Variants in GRM7 observed in about 807,000 individuals in gnomAD.
The protein encoded by GRM7 is glutamate metabotropic receptor 7, also known as metabotropic glutamate receptor 7.
GRM7 carries 35 observed loss-of-function variants against 84.5 expected under a neutral mutation model. The observed-to-expected ratio is 0.41, with a 90% confidence interval of 0.32 to 0.55. The LOEUF (loss-of-function observed/expected upper bound fraction) is 0.55, where lower values mean the gene tolerates loss of function less well. GRM7 is among the 20% of genes least tolerant of loss of function. The probability of loss-of-function intolerance (pLI) is 0.19; values close to 1 mark genes in which losing one functional copy is unlikely to be tolerated. For missense variants in GRM7, 1,003 were observed against 1,194.6 expected (o/e 0.84, Z 2.36); for synonymous variants, 487 against 455.1 (o/e 1.07, Z -0.89).
intron 2 of GRM7, among the ~76,000 whole-genome samples, chr3:7,297,820 C>A (rs566352647): frequency 6.6e-6 from 1 of 152,156 alleles, no homozygotes; most frequent in Non-Finnish European, 1.5e-5. Context: ...TTTCCTCTAC[C>A]CTTTTCATCG....
intron 5 of GRM7, among the ~76,000 whole-genome samples, chr3:7,429,884 T>C (rs1453930943): frequency 6.6e-6 from 1 of 152,218 alleles, no homozygotes; most frequent in Non-Finnish European, 1.5e-5. Flanking sequence ...TTTAAACATC[T>C]TATAAGCTGT....
chr3:7,055,213 C>CT (rs1286931367), intron 1 of GRM7, among the ~76,000 whole-genome samples: 3 of 149,914 alleles, frequency 2.0e-5, no homozygotes, highest in Non-Finnish European at 4.4e-5. Context: ...TCTTCTTCTT[C>CT]TCTTTTTATT....
intron 5 of GRM7, among the ~76,000 whole-genome samples, chr3:7,451,091 C>A (rs566576110): frequency 6.6e-6 from 1 of 152,172 alleles, no homozygotes; most frequent in South Asian, 2.1e-4. Context: ...ACAAATGTGC[C>A]GTAGGAAACA....
chr3:6,893,958 A>T lies in GRM7; in HGVS notation c.519+32051A>T, dbSNP rs538086969. On this transcript the variant is annotated intron_variant, in intron 1 of 9. Coordinates refer to ENST00000357716, the MANE Select transcript of GRM7 (RefSeq NM_000844.4). ...TTTAGCATTTTCTATTAAATTGTTC[A>T]TTCTTTCCTGGGGGCATATGAACAG... The T allele has an allele frequency of 5.9e-5, 9 of 152,244 alleles. No homozygotes were observed. The East Asian group carries it at 1.7e-3, about 29-fold the overall frequency. 9.4% of individuals were successfully genotyped at this position (152,244 alleles called of 1,614,324 possible).
At chr3:7,608,938 G>T (rs1411087595) in intron 8 of GRM7, among the ~76,000 whole-genome samples, 4 of 152,156 alleles carry the variant, frequency 2.6e-5, no homozygotes, top group Admixed American at 6.5e-5. Context: ...CACGTGGCTA[G>T]CCAGTTATTC....
Position 7,156,411 on chromosome 3 carries a change from G to A in GRM7, c.736+9743G>A, listed in dbSNP as rs142848418. ...GAGCTTATTTTCTCCGAACAAATTC[G>A]CTTAGCCTTAGATGACTGCACTTAG... On this transcript the variant is annotated intron_variant, in intron 2 of 9. Transcript: ENST00000357716. 6.8e-4 allele frequency among the ~76,000 whole-genome samples: 104 copies of A among 152,200 alleles called. No individual in the cohort carries two copies. In the East Asian group the frequency reaches 0.018, roughly 27 times the overall value.
rs145394133 is a variant in GRM7, at chr3:7,138,499, G to A, written c.520-7953G>A. Among the ~76,000 whole-genome samples, 269 of 151,888 alleles carry A rather than the reference G, an allele frequency of 1.8e-3. 1 individual carries two copies. The highest frequency in any genetic ancestry group is 6.1e-3 in the African/African-American group (255 of 41,496). On this transcript the variant is annotated intron_variant, in intron 1 of 9. Coordinates refer to ENST00000357716, the MANE Select transcript of GRM7 (RefSeq NM_000844.4). ...GCATACTGGTAGACATGAAAAGAAG[G>A]TTCTTTGTACTTTATTTAAGCAAAG...
intron 2 of GRM7, among the ~76,000 whole-genome samples, chr3:7,171,260 C>T (rs950001202): frequency 2.6e-5 from 4 of 152,104 alleles, no homozygotes; most frequent in Non-Finnish European, 5.9e-5. Context: ...CACTTATCTT[C>T]CCTCTGCTTG....
intron 9 of GRM7, among the ~76,000 whole-genome samples, chr3:7,738,991 AT>A (rs1251228343): frequency 6.6e-6 from 1 of 152,230 alleles, no homozygotes; most frequent in African/African-American, 2.4e-5. Flanking sequence ...AAATGAGGAC[AT>A]ACGGTGACTC....
chr3:6,879,275 T>C (rs1418072470), intron 1 of GRM7, among the ~76,000 whole-genome samples: 2 of 152,332 alleles, frequency 1.3e-5, no homozygotes, highest in African/African-American at 2.4e-5. Flanking sequence ...TTTATACTTA[T>C]ATTATTTTCA....
chr3:7,397,920 G>A (rs1338620521), intron 4 of GRM7, among the ~76,000 whole-genome samples: 1 of 152,008 alleles, frequency 6.6e-6, no homozygotes, highest in Non-Finnish European at 1.5e-5. Flanking sequence ...ATAGTGCTGA[G>A]GTTGAGAAAC....
At chr3:7,466,501 G>A (rs143152708) in intron 7 of GRM7, among the ~76,000 whole-genome samples, 33 of 152,246 alleles carry the variant, frequency 2.2e-4, no homozygotes, top group African/African-American at 7.2e-4. Flanking sequence ...ATTCTAAATC[G>A]ATGTTGTAAG....
chr3:7,186,492 G>T (rs550573908), intron 2 of GRM7, among the ~76,000 whole-genome samples: 61 of 152,228 alleles, frequency 4.0e-4, no homozygotes, highest in African/African-American at 1.4e-3. Flanking sequence ...GATTACCCTG[G>T]CTTTAATCCT....
At position 7,451,633 on chromosome 3, in the gene GRM7, T is replaced by C. The variant is rs1172516031; in HGVS notation, c.1175-974T>C. On this transcript the variant is annotated intron_variant, in intron 5 of 9. Coordinates refer to ENST00000357716, the MANE Select transcript of GRM7 (RefSeq NM_000844.4). Reference sequence around the variant, plus strand: ...TGGGCCATCATCATTGCTCTACCTGTAAATGACCTTTGGAAGGTGATTTAA... The same window carrying C: ...TGGGCCATCATCATTGCTCTACCTGCAAATGACCTTTGGAAGGTGATTTAA... The C allele has an allele frequency of 4.6e-5, 7 of 152,280 alleles. No individual in the cohort carries two copies. The East Asian group carries it at 1.2e-3, about 25-fold the overall frequency. 9.4% of individuals were successfully genotyped at this position (152,280 alleles called of 1,614,324 possible).
At chr3:7,340,335 C>T (rs1039846721) in intron 4 of GRM7, among the ~76,000 whole-genome samples, 4 of 152,100 alleles carry the variant, frequency 2.6e-5, no homozygotes, top group African/African-American at 9.7e-5. Flanking sequence ...TTCCGCATGG[C>T]CAGTGAGGCC....
In GRM7 at chr3:7,211,666, A is replaced by T. The variant is rs2124847844; in HGVS notation, c.736+64998A>T. 1.3e-5 allele frequency among the ~76,000 whole-genome samples: 2 copies of T among 152,024 alleles called. 1 individual carries two copies. The highest frequency in any genetic ancestry group is 1.3e-4 in the Admixed American group (2 of 15,272). On this transcript the variant is annotated intron_variant, in intron 2 of 9. Transcript: ENST00000357716. ...GTTCTCCCAACCAAAAAAAAAAAAA[A>T]AATCACACTGAAGGGAAAAAATTCT... is the stretch of plus-strand genomic sequence containing the variant.
intron 2 of GRM7, among the ~76,000 whole-genome samples, chr3:7,156,004 C>T (rs377279940): frequency 1.3e-5 from 2 of 152,278 alleles, no homozygotes; most frequent in East Asian, 1.9e-4. Flanking sequence ...TAATATTTTA[C>T]ATTTGGCATT....
intron 2 of GRM7, among the ~76,000 whole-genome samples, chr3:7,217,626 A>G (rs13070476): frequency 0.17 from 25,057 of 151,240 alleles, 2,553 homozygotes; most frequent in Non-Finnish European, 0.22. Flanking sequence ...TTGCAAAAGT[A>G]GTAAAAATGC....
intron 1 of GRM7, among the ~76,000 whole-genome samples, chr3:6,939,815 C>T (rs987273910): frequency 1.3e-5 from 2 of 152,046 alleles, no homozygotes; most frequent in African/African-American, 4.8e-5. Context: ...TTTCTATCCC[C>T]TTCAAATCTA....
Sources: allele counts gnomAD v4.1 joint callset (sites outside exome capture counted in the v4.1 genomes callset), GRCh38; gene constraint gnomAD v4.1.1; transcripts MANE v1.5; gene names NCBI Gene and HGNC (gene_info 2026-07-23, HGNC 2026-07-21).